ITPRID1: variants seen among roughly 807,000 people sequenced by gnomAD.
ITPRID1 encodes the protein protein ITPRID1.
Under a neutral mutation model 95.4 loss-of-function variants are expected in ITPRID1, and 96 were observed. The observed-to-expected ratio is 1.01, with a 90% CI of 0.85 to 1.19. ITPRID1 has a LOEUF of 1.19. ITPRID1 is among the 50% of genes most tolerant of loss of function. The pLI, the probability that ITPRID1 is intolerant of heterozygous loss-of-function variation, is 0.00. For synonymous variants in ITPRID1, 510 were observed against 453.6 expected (o/e 1.12, Z -1.58); for missense variants, 1,339 against 1,252.9 (o/e 1.07, Z -1.04).
chr7:31,628,778 C>T (rs1788726981), intron 10 of ITPRID1, among the ~76,000 whole-genome samples: 1 of 152,102 alleles, frequency 6.6e-6, no homozygotes, highest in Non-Finnish European at 1.5e-5. Context: ...TTGATGGAAA[C>T]TTTAGTTCTT....
intron 10 of ITPRID1, among the ~76,000 whole-genome samples, chr7:31,630,259 A>AC (rs1396219080): frequency 1.3e-5 from 2 of 151,610 alleles, no homozygotes; most frequent in African/African-American, 4.8e-5. Flanking sequence ...AAAAAAAAAA[A>AC]AAACATTGAA....
Position 31,578,102 on chromosome 7 carries a change from A to T in ITPRID1, c.838A>T (p.Lys280Ter). The T allele has an allele frequency of 6.2e-7, 1 of 1,613,766 alleles. No individual in the cohort carries two copies. Residue 280 changes from lysine (K) to a stop codon, truncating the protein, a stop_gained, in exon 9 of 15, where the codon AAG (lysine) becomes TAG (stop). Coordinates refer to ENST00000615280, the MANE Select transcript of ITPRID1 (RefSeq NM_001257967.3). LOFTEE classifies it high-confidence loss of function. ...AGAGGTATCAGAGTCCTTCAAGGTG[A>T]AGGATGAAGTTTTTGTTCCCTTTAC... ...NPEVSESFKV[K>*]DEVFVPFTKP...
chr7:31,614,347 C>T (rs909554597), intron 10 of ITPRID1, among the ~76,000 whole-genome samples: 6 of 151,880 alleles, frequency 4.0e-5, no homozygotes, highest in African/African-American at 1.2e-4. Flanking sequence ...AAAGTGAGGG[C>T]GAGGCTCAAC....
At chr7:31,538,824 T>C (rs1051903914) in intron 1 of ITPRID1, among the ~76,000 whole-genome samples, 3 of 152,240 alleles carry the variant, frequency 2.0e-5, no homozygotes, top group African/African-American at 7.2e-5. Context: ...TGCAAAGTTA[T>C]TGTTTTTCCT....
chr7:31,652,136 T>C (rs1791019262), intron 14 of ITPRID1, 86 bp downstream of exon 14: 1 of 1,025,500 alleles, frequency 9.8e-7, no homozygotes, highest in Admixed American at 2.2e-5. Flanking sequence ...TGTGCAATCA[T>C]TTCAGAATCT....
intron 1 of ITPRID1, among the ~76,000 whole-genome samples, chr7:31,545,153 T>C (rs753918007): frequency 1.3e-5 from 2 of 152,148 alleles, no homozygotes; most frequent in Non-Finnish European, 2.9e-5. Flanking sequence ...GAAGTTTCTA[T>C]AGAATAAGTT....
In ITPRID1 at chr7:31,578,081, G is replaced by A. The variant is rs1191781077; in HGVS notation, c.817G>A (p.Val273Ile). The A allele has an allele frequency of 1.8e-5, 29 of 1,613,664 alleles. No homozygotes were observed. In the Admixed American group the frequency reaches 4.3e-4, roughly 24 times the overall value. Reference protein sequence around the residue: ...QNIRRDCNPEVSESFKVKDEV... With the variant: ...QNIRRDCNPEISESFKVKDEV... ...CATCAGGCGGGATTGTAACCCAGAG[G>A]TATCAGAGTCCTTCAAGGTGAAGGA... The change falls in exon 9 of 15, where the codon GTA becomes ATA. Residue 273 changes from valine (V) to isoleucine (I), a missense_variant. By Grantham distance (29) the Val-to-Ile change is conservative. Coordinates refer to ENST00000615280, the MANE Select transcript of ITPRID1 (RefSeq NM_001257967.3).
intron 1 of ITPRID1, among the ~76,000 whole-genome samples, chr7:31,534,807 T>C (rs938726391): frequency 1.3e-5 from 2 of 152,168 alleles, no homozygotes; most frequent in Non-Finnish European, 2.9e-5. Flanking sequence ...TTGTTTTCTA[T>C]TTGTCCATCT....
intron 5 of ITPRID1, among the ~76,000 whole-genome samples, chr7:31,555,647 A>G (rs1179519416): frequency 6.6e-6 from 1 of 152,184 alleles, no homozygotes; most frequent in Non-Finnish European, 1.5e-5. Flanking sequence ...ATGTTTCAAA[A>G]TGGATGAAAT....
At chr7:31,638,830 G>A (rs1789730705) in intron 10 of ITPRID1, among the ~76,000 whole-genome samples, 1 of 152,122 alleles carries the variant, frequency 6.6e-6, no homozygotes, top group Admixed American at 6.5e-5. Flanking sequence ...AGGCTGGAGT[G>A]GAGTGACCCA....
chr7:31,620,443 G>A lies in ITPRID1; in HGVS notation c.1229-21733G>A, dbSNP rs547781911. Among the ~76,000 whole-genome samples the A allele has an allele frequency of 2.0e-4, 31 of 151,770 alleles. No individual in the cohort carries two copies. The South Asian group carries it at 4.8e-3, about 23-fold the overall frequency. On this transcript the variant is annotated intron_variant, in intron 10 of 14. Transcript: ENST00000615280. ...GAGGAACGATCAGACAGCAGCATTC[G>A]AGATTCACGAAAAATACCTGTTCTG... is the stretch of plus-strand genomic sequence containing the variant.
intron 1 of ITPRID1, among the ~76,000 whole-genome samples, chr7:31,538,777 T>A (rs62447328): frequency 0.029 from 4,404 of 152,296 alleles, 79 homozygotes; most frequent in East Asian, 0.061. Context: ...TGAATATTGA[T>A]CACTTGGTTA....
At chr7:31,592,647 T>G (rs112621822) in intron 10 of ITPRID1, among the ~76,000 whole-genome samples, 232 of 152,236 alleles carry the variant, frequency 1.5e-3, no homozygotes, top group African/African-American at 5.4e-3. Flanking sequence ...ACAATAGAAT[T>G]TGTACTCTTG....
intron 10 of ITPRID1, among the ~76,000 whole-genome samples, chr7:31,630,244 C>CAAAAAAAAAAAAAAAAAAAAAATTGAAA (rs71557496): frequency 9.6e-6 from 1 of 103,720 alleles, no homozygotes; most frequent in Non-Finnish European, 1.8e-5. Context: ...GTCTACTTGG[C>CAAAAAAAAAAAAAAAAAAAAAATTGAAA]AAAAAAAAAA....
In ITPRID1 at chr7:31,642,993, G is replaced by T. The variant is rs1419603353; in HGVS notation, c.1623G>T (p.Trp541Cys). ...GCCCAAGGAAAGACAGCCATCTGTG[G>T]CAGCTTCTGCCAATGCCCCATGCTG... ...GECPRKDSHL[W>C]QLLPMPHAEY... The change falls in exon 12 of 15, where the codon TGG (tryptophan) becomes TGT (cysteine). Residue 541 changes from tryptophan to cysteine, a missense_variant. Trp to Cys is a radical substitution (Grantham distance 215). Transcript: ENST00000615280. 2 of 1,613,870 alleles carry T rather than the reference G, an allele frequency of 1.2e-6. No homozygotes were observed. Among genetic ancestry groups the T allele is most frequent in the Non-Finnish European group, 1.7e-6 (2 of 1,179,884 alleles).
At position 31,656,387 on chromosome 7, in the gene ITPRID1, A is replaced by G. The variant is rs1249943425; in HGVS notation, c.*3558A>G. The G allele has an allele frequency of 2.3e-6, 1 of 428,056 alleles. No individual in the cohort carries two copies. Among genetic ancestry groups the G allele is most frequent in the African/African-American group, 2.2e-5 (1 of 46,268 alleles). The allele number at this position is 428,056 out of a possible 1,614,324, so 26.5% of individuals were successfully genotyped here. On this transcript the variant is annotated 3_prime_UTR_variant, in exon 15 of 15. Coordinates refer to ENST00000615280, the MANE Select transcript of ITPRID1 (RefSeq NM_001257967.3). ...ACAACATAGAGTTGTTGGACAGAAT[A>G]AATACCATGAATCCTGTGCAGTGTT...
intron 10 of ITPRID1, among the ~76,000 whole-genome samples, chr7:31,617,492 C>CT (rs11407148): frequency 0.44 from 67,480 of 151,876 alleles, 15,230 homozygotes; most frequent in East Asian, 0.54. Flanking sequence ...AACTATTCTG[C>CT]TTTTTGTAAA....
At position 31,651,221 on chromosome 7, in the gene ITPRID1, T is replaced by C; in HGVS notation, c.2663T>C (p.Leu888Pro). 6.2e-7 allele frequency: 1 copy of C among 1,613,580 alleles called. No individual in the cohort carries two copies. The highest frequency in any genetic ancestry group is 8.5e-7 in the Non-Finnish European group (1 of 1,179,612). ...REYLEEIEQH[L>P]MGQQALFSRD... ...TATTTAGAAGAAATTGAACAGCACC[T>C]TATGGGACAGCAGGCCCTCTTTTCC... Residue 888 changes from leucine (L) to proline (P), a missense_variant, in exon 13 of 15, where the codon CTT (leucine) becomes CCT (proline). By Grantham distance (98) the Leu-to-Pro change is moderately conservative. Transcript: ENST00000615280.
chr7:31,536,354 A>G (rs879933382), intron 1 of ITPRID1, among the ~76,000 whole-genome samples: 54 of 152,068 alleles, frequency 3.6e-4, no homozygotes, highest in African/African-American at 1.1e-3. Flanking sequence ...TCCTGTTGGA[A>G]GTCTCCTCTA....
Sources: allele counts gnomAD v4.1 joint callset (sites outside exome capture counted in the v4.1 genomes callset), GRCh38; gene constraint gnomAD v4.1.1; transcripts MANE v1.5; gene names NCBI Gene and HGNC (gene_info 2026-07-23, HGNC 2026-07-21).